Variants in TCF20 observed in about 807,000 individuals in gnomAD.
TCF20 encodes the protein SPRE-binding protein.
In TCF20, 3 loss-of-function variants were observed where a neutral mutation model predicts 148.6. The observed-to-expected ratio is 0.02, with a 90% confidence interval of 0.01 to 0.05. The LOEUF is 0.05. Among genes scored for constraint, TCF20 ranks in the 10% least tolerant of loss-of-function variants. The pLI, the probability that TCF20 is intolerant of heterozygous loss-of-function variation, is 1.00. For synonymous variants in TCF20, 1,049 were observed against 909.5 expected (o/e 1.15, Z -2.76); for missense variants, 2,350 against 2,429.3 (o/e 0.97, Z 0.69).
intron 1 of TCF20, among the ~76,000 whole-genome samples, chr22:42,266,213 G>T (rs933169459): frequency 6.6e-6 from 1 of 152,156 alleles, no homozygotes; most frequent in Non-Finnish European, 1.5e-5. Context: ...CAGCAGGAGG[G>T]TTATATCTAA....
intron 1 of TCF20, among the ~76,000 whole-genome samples, chr22:42,231,556 AAT>A (rs1923401563): frequency 6.6e-6 from 1 of 152,196 alleles, no homozygotes; most frequent in African/African-American, 2.4e-5. Flanking sequence ...ACAGCTGCAC[AAT>A]GTATTTGTGG....
At chr22:42,172,321 T>C (rs115676444) in intron 3 of TCF20, among the ~76,000 whole-genome samples, 30 of 152,334 alleles carry the variant, frequency 2.0e-4, no homozygotes, top group African/African-American at 7.0e-4. Flanking sequence ...TGAAGAGCAG[T>C]AGGTGTAGTA....
intron 1 of TCF20, among the ~76,000 whole-genome samples, chr22:42,291,813 A>G (rs1381700723): frequency 6.6e-6 from 1 of 151,970 alleles, no homozygotes; most frequent in Non-Finnish European, 1.5e-5. Flanking sequence ...ATTCTGGTCC[A>G]GAGCACAGAT....
chr22:42,245,111 C>A (rs766533249), intron 1 of TCF20, among the ~76,000 whole-genome samples: 12 of 152,132 alleles, frequency 7.9e-5, no homozygotes, highest in African/African-American at 2.9e-4. Context: ...GAAAAAAAAT[C>A]TCTAAAAAGG....
intron 1 of TCF20, among the ~76,000 whole-genome samples, chr22:42,311,244 AG>A (rs1927531288): frequency 6.6e-6 from 1 of 152,256 alleles, no homozygotes; most frequent in African/African-American, 2.4e-5. Flanking sequence ...ACCTGCAGTC[AG>A]GGAGGCAGAA....
At position 42,212,546 on chromosome 22, in the gene TCF20, C is replaced by A. The variant is rs995451296; in HGVS notation, c.2760G>T (p.Lys920Asn). Residue 920 changes from lysine to asparagine, a missense_variant, in exon 2 of 6, where the codon AAG (lysine) becomes AAT (asparagine). Lys to Asn is a moderately conservative substitution (Grantham distance 94, BLOSUM62 0). Coordinates refer to ENST00000677622, the MANE Select transcript of TCF20 (RefSeq NM_001378418.1). The stretch of plus-strand genomic sequence containing the variant: ...TTATCTGCCCGCTCTGGGATTTCAG[C>A]TTGGTTTCCATGGACACCAAACCAC... ...LPGGLVSMET[K>N]LKSQSGQIKE... The A allele has an allele frequency of 3.7e-6, 6 of 1,613,964 alleles. No individual in the cohort carries two copies. The highest frequency in any genetic ancestry group is 5.1e-6 in the Non-Finnish European group (6 of 1,179,806).
chr22:42,183,440 T>TA, intron 2 of TCF20, among the ~76,000 whole-genome samples: 1 of 152,202 alleles, frequency 6.6e-6, no homozygotes, highest in African/African-American at 2.4e-5. Context: ...CAGAGGGAGT[T>TA]ACAGTTGTCA....
chr22:42,294,924 G>C (rs1480888382), intron 1 of TCF20, among the ~76,000 whole-genome samples: 1 of 152,214 alleles, frequency 6.6e-6, no homozygotes, highest in Non-Finnish European at 1.5e-5. Flanking sequence ...AAAGGTGCTT[G>C]ATGGCTTCTG....
intron 1 of TCF20, among the ~76,000 whole-genome samples, chr22:42,289,381 G>A (rs369294643): frequency 9.0e-4 from 137 of 152,222 alleles, no homozygotes; most frequent in African/African-American, 3.2e-3. Context: ...AGGAACTGGT[G>A]GCTGCTGAAC....
intron 1 of TCF20, among the ~76,000 whole-genome samples, chr22:42,228,642 TG>T (rs1923121943): frequency 6.6e-6 from 1 of 152,212 alleles, no homozygotes; most frequent in South Asian, 2.1e-4. Context: ...AAGAGTGCTT[TG>T]CCAAACATGG....
intron 1 of TCF20, among the ~76,000 whole-genome samples, chr22:42,319,272 C>T (rs1350750664): frequency 6.6e-6 from 1 of 152,136 alleles, no homozygotes; most frequent in Admixed American, 6.5e-5. Flanking sequence ...GGGAAGAGTA[C>T]TCCTCTGGCC....
intron 1 of TCF20, among the ~76,000 whole-genome samples, chr22:42,253,898 G>A (rs965764500): frequency 7.2e-5 from 11 of 152,034 alleles, no homozygotes; most frequent in Non-Finnish European, 7.4e-5. Context: ...CCAACATGGA[G>A]AAACCCTGTC....
chr22:42,200,626 A>G (rs1241342628), intron 2 of TCF20, among the ~76,000 whole-genome samples: 1 of 138,510 alleles, frequency 7.2e-6, no homozygotes, highest in South Asian at 2.4e-4. Context: ...TGGGTGACAG[A>G]GCAGGACTTC....
intron 2 of TCF20, among the ~76,000 whole-genome samples, chr22:42,185,021 A>C (rs1936978002): frequency 6.6e-6 from 1 of 152,182 alleles, no homozygotes; most frequent in Admixed American, 6.5e-5. Flanking sequence ...TATCTGAGGG[A>C]AGCTTTAAGG....
chr22:42,247,855 T>C (rs1020108545), intron 1 of TCF20, among the ~76,000 whole-genome samples: 1 of 152,120 alleles, frequency 6.6e-6, no homozygotes, highest in African/African-American at 2.4e-5. Flanking sequence ...TCCGCATCTC[T>C]TCAAGACACC....
intron 1 of TCF20, among the ~76,000 whole-genome samples, chr22:42,300,092 T>C (rs942961999): frequency 6.6e-6 from 1 of 152,070 alleles, no homozygotes; most frequent in African/African-American, 2.4e-5. Context: ...CCGCTGGGCC[T>C]GGGGCTGCTG....
chr22:42,271,353 A>G (rs137863594), upstream of TCF20, among the ~76,000 whole-genome samples: 2,831 of 152,372 alleles, frequency 0.019, 47 homozygotes, highest in South Asian at 0.032. Context: ...AGAAGCTGCA[A>G]TGCCAGGCTG....
Position 42,290,002 on chromosome 22 carries a change from G to A in TCF20, c.-37+53477C>T, listed in dbSNP as rs916196437. On this transcript the variant is annotated intron_variant, in intron 1 of 1. Coordinates refer to the TCF20 transcript ENST00000515426. The surrounding 1 kb of genome is among the most constrained non-coding windows in gnomAD (Gnocchi z 4.2). The stretch of plus-strand genomic sequence containing the variant: ...ATCGCCGTAATATTCTCCTCGGCGT[G>A]TGCAGGCGGCCGGGGCGATGTTCCA... Among the ~76,000 whole-genome samples, 1 of 152,260 alleles carries A rather than the reference G, an allele frequency of 6.6e-6. No homozygotes were observed. Among genetic ancestry groups the A allele is most frequent in the African/African-American group, 2.4e-5 (1 of 41,464 alleles).
At chr22:42,266,454 C>T (rs1204672362) in intron 1 of TCF20, among the ~76,000 whole-genome samples, 1 of 152,142 alleles carries the variant, frequency 6.6e-6, no homozygotes, top group South Asian at 2.1e-4. Flanking sequence ...AATTACATTC[C>T]ATTTTATCTT....
Sources: allele counts gnomAD v4.1 joint callset (sites outside exome capture counted in the v4.1 genomes callset), GRCh38; gene constraint gnomAD v4.1.1; non-coding constraint Gnocchi (gnomAD v3.1); transcripts MANE v1.5; gene names NCBI Gene and HGNC (gene_info 2026-07-23, HGNC 2026-07-21).